AP3B1: variants seen among roughly 807,000 people sequenced by gnomAD.
The protein encoded by AP3B1 is AP-3 complex subunit beta-1.
A neutral mutation model predicts 132.5 loss-of-function variants in AP3B1; 61 were observed. The observed-to-expected ratio is 0.46, with a 90% confidence interval of 0.37 to 0.57. The LOEUF is 0.57. AP3B1 is among the 20% of genes least tolerant of loss of function. AP3B1 has a pLI of 0.00. For missense variants in AP3B1, 1,120 were observed against 1,289.4 expected (o/e 0.87, Z 2.01); for synonymous variants, 388 against 438.3 (o/e 0.89, Z 1.43).
At chr5:78,018,697 CACA>C (rs1332067336) in intron 25 of AP3B1, among the ~76,000 whole-genome samples, 4 of 151,848 alleles carry the variant, frequency 2.6e-5, no homozygotes, top group Admixed American at 6.6e-5. Flanking sequence ...CACACACACA[CACA>C]CCCCTTAAAT....
chr5:78,209,507 T>G (rs1279732244), intron 7 of AP3B1, among the ~76,000 whole-genome samples: 1 of 152,174 alleles, frequency 6.6e-6, no homozygotes, highest in Non-Finnish European at 1.5e-5. Context: ...AGAAGCCCCG[T>G]CTTCAAGTTG....
At chr5:78,176,886 T>C (rs1191827960) in intron 9 of AP3B1, among the ~76,000 whole-genome samples, 2 of 152,182 alleles carry the variant, frequency 1.3e-5, no homozygotes, top group African/African-American at 4.8e-5. Flanking sequence ...ATTCCAGCTT[T>C]ATAGGAAGCA....
At chr5:78,025,109 A>G (rs147575089) in intron 24 of AP3B1, among the ~76,000 whole-genome samples, 1 of 152,234 alleles carries the variant, frequency 6.6e-6, no homozygotes, top group Non-Finnish European at 1.5e-5. Context: ...TACAGAGTAC[A>G]TACTCAAAAT....
At chr5:78,216,308 T>G in intron 6 of AP3B1, 71 bp from the exon 7 acceptor site, 1 of 1,398,082 alleles carries the variant, frequency 7.2e-7, no homozygotes, top group Non-Finnish European at 1.0e-6. Context: ...ACTCAGGCAT[T>G]ATAGTAATCA....
At chr5:78,060,543 G>A (rs1367172541) in intron 22 of AP3B1, among the ~76,000 whole-genome samples, 1 of 152,154 alleles carries the variant, frequency 6.6e-6, no homozygotes, top group East Asian at 1.9e-4. Flanking sequence ...GGCAGCATTA[G>A]TAATTCCTTC....
intron 17 of AP3B1, among the ~76,000 whole-genome samples, chr5:78,119,519 A>T (rs1011888934): frequency 1.3e-5 from 2 of 152,248 alleles, no homozygotes; most frequent in African/African-American, 4.8e-5. Context: ...CTGAAAGCCA[A>T]GGCTCGAGAA....
rs182830150 is a variant in AP3B1, at chr5:78,268,138, T to G, written c.129-543A>C. On this transcript the variant is annotated intron_variant, in intron 1 of 26. Transcript: ENST00000255194. ...AGTAGAGGTAGTAATAAATAAAAACTGTCTCTGAGAACATACAACTACTAC... is the reference window on the plus strand; with the variant it reads ...AGTAGAGGTAGTAATAAATAAAAACGGTCTCTGAGAACATACAACTACTAC... Among the ~76,000 whole-genome samples, 42 of 152,288 alleles carry G rather than the reference T, an allele frequency of 2.8e-4. 1 individual carries two copies. Among genetic ancestry groups the G allele is most frequent in the African/African-American group, 9.9e-4 (41 of 41,564 alleles).
chr5:78,168,943 T>C (rs970106179), intron 11 of AP3B1, among the ~76,000 whole-genome samples: 2 of 152,206 alleles, frequency 1.3e-5, no homozygotes, highest in African/African-American at 4.8e-5. Context: ...TCCTTGAATT[T>C]GGGTATAATT....
chr5:78,279,876 AT>A (rs1748970095), intron 1 of AP3B1, among the ~76,000 whole-genome samples: 1 of 145,494 alleles, frequency 6.9e-6, no homozygotes, highest in African/African-American at 2.5e-5. Flanking sequence ...AAATATATAT[AT>A]ATATGACTTA....
At chr5:78,293,980 C>T (rs1749642766) in intron 1 of AP3B1, among the ~76,000 whole-genome samples, 1 of 152,006 alleles carries the variant, frequency 6.6e-6, no homozygotes, top group African/African-American at 2.4e-5. Context: ...CAGCCTAAAT[C>T]CACCTCTCTG....
chr5:78,288,860 T>TA (rs1367792984), intron 1 of AP3B1, among the ~76,000 whole-genome samples: 1 of 148,982 alleles, frequency 6.7e-6, no homozygotes, highest in African/African-American at 2.5e-5. Flanking sequence ...CACAATGAGA[T>TA]AAAGTTTAAA....
chr5:78,111,907 C>T (rs1225389668), intron 19 of AP3B1, among the ~76,000 whole-genome samples: 2 of 152,118 alleles, frequency 1.3e-5, no homozygotes, highest in African/African-American at 4.8e-5. Context: ...TGCTCAAGGG[C>T]ACATAACAAG....
intron 8 of AP3B1, among the ~76,000 whole-genome samples, chr5:78,177,985 G>A (rs567201231): frequency 6.6e-6 from 1 of 152,094 alleles, no homozygotes; most frequent in East Asian, 1.9e-4. Context: ...AATATGTATG[G>A]CAGTGCTATG....
At position 78,162,811 on chromosome 5, in the gene AP3B1, A is replaced by G; in HGVS notation, c.1363+8T>C. The G allele has an allele frequency of 6.2e-7, 1 of 1,613,602 alleles. No homozygotes were observed. Among genetic ancestry groups the G allele is most frequent in the Non-Finnish European group, 8.5e-7 (1 of 1,179,702 alleles). ...TCACCTGAAAATAAAATGAAACTGT[A>G]AACTTACCATCCCTGTTGGACAGCA... On this transcript the variant is annotated splice_region_variant and intron_variant, in intron 13 of 26. Coordinates refer to ENST00000255194, the MANE Select transcript of AP3B1 (RefSeq NM_003664.5).
At chr5:78,267,441 ATT>A in intron 2 of AP3B1, 77 bp downstream of exon 2, 1 of 578,950 alleles carries the variant, frequency 1.7e-6, no homozygotes. Flanking sequence ...TATTTAACGT[ATT>A]TTTATATATA....
intron 7 of AP3B1, among the ~76,000 whole-genome samples, chr5:78,198,497 A>C (rs1260678097): frequency 1.3e-5 from 2 of 152,134 alleles, no homozygotes; most frequent in African/African-American, 2.4e-5. Flanking sequence ...AGAGGAAGCA[A>C]GCTTCTTAGA....
At chr5:78,288,413 C>A (rs1749371948) in intron 1 of AP3B1, among the ~76,000 whole-genome samples, 1 of 152,070 alleles carries the variant, frequency 6.6e-6, no homozygotes, top group African/African-American at 2.4e-5. Context: ...GGTAAAGATG[C>A]CTTTGAAGAC....
chr5:78,084,054 C>T (rs1193565631), intron 22 of AP3B1, among the ~76,000 whole-genome samples: 1 of 152,026 alleles, frequency 6.6e-6, no homozygotes, highest in African/African-American at 2.4e-5. Flanking sequence ...AAATTATTTT[C>T]ATTAATTTGA....
At chr5:78,010,484 C>T (rs1256728879) in intron 26 of AP3B1, among the ~76,000 whole-genome samples, 1 of 152,108 alleles carries the variant, frequency 6.6e-6, no homozygotes, top group African/African-American at 2.4e-5. Context: ...TTAGCGATTT[C>T]GGAGCTACAT....
Sources: allele counts gnomAD v4.1 joint callset (sites outside exome capture counted in the v4.1 genomes callset), GRCh38; gene constraint gnomAD v4.1.1; transcripts MANE v1.5; gene names NCBI Gene and HGNC (gene_info 2026-07-23, HGNC 2026-07-21).